The following RBM20 variants were observed in gnomAD, a reference collection of about 807,000 sequenced individuals.
RBM20 encodes the protein RNA binding motif protein 20.
Under a neutral mutation model 110.1 loss-of-function variants are expected in RBM20, and 51 were observed. The observed-to-expected ratio is 0.46, with a 90% CI of 0.37 to 0.59. RBM20 has a LOEUF of 0.59. RBM20 is among the 20% of genes least tolerant of loss of function. RBM20 has a pLI of 0.00. For synonymous variants in RBM20, 589 were observed against 618.2 expected (o/e 0.95, Z 0.70); for missense variants, 1,512 against 1,574.9 (o/e 0.96, Z 0.68).
At chr10:110,683,504 A>C (rs4244281) in intron 1 of RBM20, among the ~76,000 whole-genome samples, 142,731 of 152,318 alleles carry the variant, frequency 0.94, 67,584 homozygotes, top group East Asian at 1. Flanking sequence ...ATCTCTCCCT[A>C]TCCTCTTATT....
chr10:110,774,919 T>C (rs1353656033), intron 1 of RBM20, among the ~76,000 whole-genome samples: 3 of 152,146 alleles, frequency 2.0e-5, no homozygotes, highest in Non-Finnish European at 4.4e-5. Context: ...GAATTTTTGA[T>C]CTAGGAAAGA....
intron 9 of RBM20, 117 bp from the exon 10 acceptor site, chr10:110,819,955 A>C: frequency 1.7e-6 from 1 of 588,950 alleles, no homozygotes; most frequent in Non-Finnish European, 2.9e-6. Context: ...GGATAAAGGA[A>C]ATGCTGTATG....
chr10:110,729,080 C>T (rs1410418623), intron 1 of RBM20, among the ~76,000 whole-genome samples: 2 of 152,138 alleles, frequency 1.3e-5, no homozygotes, highest in Admixed American at 6.5e-5. Flanking sequence ...ACTGTTGCTG[C>T]AACCATGACA....
chr10:110,779,357 G>A (rs1390213554), intron 1 of RBM20, among the ~76,000 whole-genome samples: 1 of 152,226 alleles, frequency 6.6e-6, no homozygotes, highest in Non-Finnish European at 1.5e-5. Flanking sequence ...ACATGTGGAG[G>A]TTCCTGGAGA....
Position 110,835,855 on chromosome 10 carries a change from C to G in RBM20, c.3574-13C>G. On this transcript the variant is annotated splice_polypyrimidine_tract_variant and intron_variant, in intron 13 of 13. Transcript: ENST00000369519. ...ACATGCCCCTTCCTCCACTTCCCCT[C>G]TTCTTTCCACAGAAATATTTGTCCC... 1 of 1,550,766 alleles carries G rather than the reference C, an allele frequency of 6.4e-7. No individual in the cohort carries two copies. The highest frequency in any genetic ancestry group is 8.7e-7 in the Non-Finnish European group (1 of 1,146,308).
In RBM20 at chr10:110,651,699, G is replaced by A. The variant is rs574666900; in HGVS notation, c.191+7054G>A. On this transcript the variant is annotated intron_variant, in intron 1 of 13. Transcript: ENST00000369519. ...ACTGCAGGGACTCCTGAACCGTGAC[G>A]CACAGTCAGTTGGCCGCAGAGACCA... 3.6e-4 allele frequency among the ~76,000 whole-genome samples: 55 copies of A among 152,306 alleles called. 1 individual carries two copies. In the South Asian group the frequency reaches 0.01, roughly 29 times the overall value.
At chr10:110,767,253 G>T (rs1426063313) in intron 1 of RBM20, among the ~76,000 whole-genome samples, 1 of 136,476 alleles carries the variant, frequency 7.3e-6, no homozygotes, top group Admixed American at 7.0e-5. Context: ...GTGGCTGGCC[G>T]GGCAGAGGGG....
At chr10:110,798,726 G>A (rs1844583348) in intron 6 of RBM20, among the ~76,000 whole-genome samples, 1 of 152,190 alleles carries the variant, frequency 6.6e-6, no homozygotes, top group South Asian at 2.1e-4. Context: ...AGAAGGAAGA[G>A]AATGAGCTTG....
At chr10:110,815,240 G>T (rs1175563563) in intron 9 of RBM20, among the ~76,000 whole-genome samples, 2 of 152,226 alleles carry the variant, frequency 1.3e-5, no homozygotes, top group African/African-American at 4.8e-5. Flanking sequence ...ATAATGAAAG[G>T]TGCAGACTTC....
intron 7 of RBM20, among the ~76,000 whole-genome samples, chr10:110,803,791 C>T (rs2135087790): frequency 7.5e-6 from 1 of 133,612 alleles, no homozygotes; most frequent in Non-Finnish European, 1.6e-5. Context: ...AATTCATCTC[C>T]ATTAAGCCTG....
intron 1 of RBM20, among the ~76,000 whole-genome samples, chr10:110,745,250 G>A (rs764805221): frequency 3.5e-4 from 54 of 152,206 alleles, no homozygotes; most frequent in Non-Finnish European, 2.9e-4. Context: ...ACCATGGCAA[G>A]TCATAAGCCT....
chr10:110,751,682 CTTTAGA>C (rs1843855032), intron 1 of RBM20, among the ~76,000 whole-genome samples: 1 of 152,064 alleles, frequency 6.6e-6, no homozygotes, highest in Admixed American at 6.5e-5. Context: ...ATTTACTTGC[CTTTAGA>C]CAGGGACTGG....
At chr10:110,819,629 C>T (rs1844883043) in intron 9 of RBM20, among the ~76,000 whole-genome samples, 1 of 152,174 alleles carries the variant, frequency 6.6e-6, no homozygotes, top group Non-Finnish European at 1.5e-5. Flanking sequence ...TGACTGTGCC[C>T]TTTCTACCTA....
In RBM20 at chr10:110,831,379, A is replaced by G. The variant is rs1482054879; in HGVS notation, c.3573+197A>G. The G allele has an allele frequency of 7.8e-6, 4 of 512,570 alleles. No homozygotes were observed. The South Asian group carries it at 9.2e-5, about 12-fold the overall frequency. The allele number at this position is 512,570 out of a possible 1,614,324, so 31.8% of individuals were successfully genotyped here. A position where few individuals can be genotyped will look rare whatever the true frequency, so the allele number is the denominator to read the frequency against. On this transcript the variant is annotated intron_variant, in intron 13 of 13. Coordinates refer to ENST00000369519, the MANE Select transcript of RBM20 (RefSeq NM_001134363.3). ...GCTTCTGTGTCTGTCTCCTTCCACT[A>G]CATGGAAAACCCCTAATCTTCCCAT...
chr10:110,702,880 A>G (rs1424388987), intron 1 of RBM20, among the ~76,000 whole-genome samples: 2 of 152,236 alleles, frequency 1.3e-5, no homozygotes, highest in Admixed American at 6.5e-5. Flanking sequence ...GAAGGAGTCA[A>G]TGAGTTAACC....
At chr10:110,718,101 C>A (rs565584461) in intron 1 of RBM20, among the ~76,000 whole-genome samples, 2 of 152,292 alleles carry the variant, frequency 1.3e-5, no homozygotes, top group East Asian at 1.9e-4. Flanking sequence ...CACATGGCTT[C>A]CACCCTTGCA....
rs892768566 is a variant in RBM20, at chr10:110,775,410, G to A, written c.192-5391G>A. ...ACCATGCTCTGGGCTGTGGTTCTTG[G>A]CTCCTGCTTCTGGATGGCTGGACAT... On this transcript the variant is annotated intron_variant, in intron 1 of 13. Coordinates refer to ENST00000369519, the MANE Select transcript of RBM20 (RefSeq NM_001134363.3). 4.6e-5 allele frequency among the ~76,000 whole-genome samples: 7 copies of A among 152,300 alleles called. No individual in the cohort carries two copies. In the South Asian group the frequency reaches 1.5e-3, roughly 32 times the overall value.
At chr10:110,823,381 A>T (rs1176066891) in intron 11 of RBM20, 99 bp from the exon 12 acceptor site, 3 of 1,410,420 alleles carry the variant, frequency 2.1e-6, no homozygotes, top group East Asian at 5.0e-5. Context: ...ATTCCCAATC[A>T]TACTATGCAG....
In RBM20 at chr10:110,668,900, AC is replaced by A. The variant is rs569970131; in HGVS notation, c.191+24257del. Among the ~76,000 whole-genome samples the A allele has an allele frequency of 4.2e-3, 635 of 151,602 alleles. 4 individuals carry two copies. Among genetic ancestry groups the A allele is most frequent in the African/African-American group, 0.014 (589 of 41,282 alleles). The stretch of plus-strand genomic sequence containing the variant: ...TAGTATAACAATTAAAAAAAAAAAA[AC>A]CAAAAAACCTACTGATCATTTTAAG... On this transcript the variant is annotated intron_variant, in intron 1 of 13. Coordinates refer to ENST00000369519, the MANE Select transcript of RBM20 (RefSeq NM_001134363.3).
Sources: allele counts gnomAD v4.1 joint callset (sites outside exome capture counted in the v4.1 genomes callset), GRCh38; gene constraint gnomAD v4.1.1; transcripts MANE v1.5; gene names NCBI Gene and HGNC (gene_info 2026-07-23, HGNC 2026-07-21).